KCNIP4: variants seen among roughly 807,000 people sequenced by gnomAD.
KCNIP4 encodes the protein Kv channel-interacting protein 4.
A neutral mutation model predicts 34.0 loss-of-function variants in KCNIP4; 12 were observed. The observed-to-expected ratio is 0.35, with a 90% CI of 0.23 to 0.57. The LOEUF is 0.57. Ranked by LOEUF, KCNIP4 falls within the 20% of genes least tolerant of loss-of-function variation. KCNIP4 has a pLI of 0.83. For synonymous variants in KCNIP4, 124 were observed against 102.2 expected (o/e 1.21, Z -1.29); for missense variants, 238 against 311.7 (o/e 0.76, Z 1.78).
chr4:20,821,026 T>A (rs1171026233), intron 3 of KCNIP4, among the ~76,000 whole-genome samples: 1 of 152,102 alleles, frequency 6.6e-6, no homozygotes, highest in African/African-American at 2.4e-5. Flanking sequence ...AGCAGAGAAC[T>A]GCCACAGTGG....
At position 20,848,771 on chromosome 4, in the gene KCNIP4, A is replaced by T. The variant is rs145905589; in HGVS notation, c.288+1772T>A. On this transcript the variant is annotated intron_variant, in intron 3 of 8. Transcript: ENST00000382152. ...GATTCAGTTCTCCTGTGTTCAACAAACATTCTGTATCTGATGTACAATCCA... is the reference window on the plus strand; with the variant it reads ...GATTCAGTTCTCCTGTGTTCAACAATCATTCTGTATCTGATGTACAATCCA... Among the ~76,000 whole-genome samples, 844 of 152,312 alleles carry T rather than the reference A, an allele frequency of 5.5e-3. 6 individuals are homozygous for T. The highest frequency in any genetic ancestry group is 0.027 in the Middle Eastern group (8 of 294).
At chr4:21,197,341 T>C (rs1756129955) in intron 1 of KCNIP4, among the ~76,000 whole-genome samples, 1 of 152,222 alleles carries the variant, frequency 6.6e-6, no homozygotes, top group African/African-American at 2.4e-5. Flanking sequence ...TAGTGACCTT[T>C]GAATGCATAT....
chr4:21,718,603 G>A (rs966155658), intron 1 of KCNIP4: 2 of 151,946 alleles, frequency 1.3e-5, no homozygotes, highest in African/African-American at 4.8e-5. Context: ...ATACAAACTA[G>A]CAATGCCTTC....
At chr4:21,244,588 C>G (rs1760070849) in intron 1 of KCNIP4, among the ~76,000 whole-genome samples, 2 of 152,138 alleles carry the variant, frequency 1.3e-5, no homozygotes. Flanking sequence ...AGGAAAATGT[C>G]TTCCCAGTTG....
intron 1 of KCNIP4, among the ~76,000 whole-genome samples, chr4:21,623,739 G>A (rs920238247): frequency 6.6e-6 from 1 of 151,442 alleles, no homozygotes; most frequent in African/African-American, 2.4e-5. Context: ...TTACCTGGGA[G>A]TTCTGGCACT....
chr4:21,630,504 C>G (rs1745684165), intron 1 of KCNIP4, among the ~76,000 whole-genome samples: 1 of 151,148 alleles, frequency 6.6e-6, no homozygotes, highest in Admixed American at 6.6e-5. Flanking sequence ...TCTTCTCTAT[C>G]ATCACCATAC....
intron 1 of KCNIP4, among the ~76,000 whole-genome samples, chr4:21,906,905 C>T (rs1321132270): frequency 6.6e-6 from 1 of 152,092 alleles, no homozygotes; most frequent in Non-Finnish European, 1.5e-5. Flanking sequence ...TTTATGTAAG[C>T]TTCTAAAAGT....
At chr4:21,707,458 A>G (rs934387452) in intron 1 of KCNIP4, among the ~76,000 whole-genome samples, 2 of 152,134 alleles carry the variant, frequency 1.3e-5, no homozygotes, top group African/African-American at 4.8e-5. Context: ...TTTGTTATTC[A>G]TGAGTGTTCA....
chr4:21,856,115 T>C (rs1382688252), intron 1 of KCNIP4, among the ~76,000 whole-genome samples: 2 of 152,148 alleles, frequency 1.3e-5, no homozygotes, highest in African/African-American at 4.8e-5. Flanking sequence ...CCCTCACTAT[T>C]GTTAACATTT....
At chr4:21,515,658 A>T (rs1734697054) in intron 1 of KCNIP4, among the ~76,000 whole-genome samples, 2 of 152,068 alleles carry the variant, frequency 1.3e-5, no homozygotes. Context: ...AGAAGTAGGA[A>T]CTTGAGTAAT....
At chr4:21,790,226 T>A (rs1259024810) in intron 1 of KCNIP4, among the ~76,000 whole-genome samples, 1 of 152,224 alleles carries the variant, frequency 6.6e-6, no homozygotes, top group Non-Finnish European at 1.5e-5. Context: ...TGCTCTCATT[T>A]TCATAGGAAA....
intron 1 of KCNIP4, among the ~76,000 whole-genome samples, chr4:21,746,418 T>G (rs1716779937): frequency 6.6e-6 from 1 of 152,130 alleles, no homozygotes; most frequent in African/African-American, 2.4e-5. Flanking sequence ...CTAGTAAGAC[T>G]TGAAAGTCTT....
intron 1 of KCNIP4, among the ~76,000 whole-genome samples, chr4:21,691,680 C>T (rs1711648942): frequency 7.1e-6 from 1 of 141,612 alleles, no homozygotes; most frequent in South Asian, 2.2e-4. Flanking sequence ...GCAAGAGGGG[C>T]AAACGCAGCT....
chr4:21,141,068 T>A (rs1751913790), intron 1 of KCNIP4, among the ~76,000 whole-genome samples: 1 of 152,208 alleles, frequency 6.6e-6, no homozygotes, highest in South Asian at 2.1e-4. Context: ...TCAGACAAAC[T>A]TTTTGATTTC....
chr4:20,794,696 G>A (rs1417171824), intron 3 of KCNIP4, among the ~76,000 whole-genome samples: 2 of 152,080 alleles, frequency 1.3e-5, no homozygotes, highest in East Asian at 1.9e-4. Context: ...TCTATTTCTC[G>A]ATCTCTGTGT....
chr4:21,835,577 ACG>A (rs1491060050), intron 1 of KCNIP4, among the ~76,000 whole-genome samples: 2 of 123,070 alleles, frequency 1.6e-5, no homozygotes, highest in Admixed American at 1.0e-4. Context: ...ATGTTTTCTT[ACG>A]TTTTTTTTTG....
chr4:21,233,817 AATT>A (rs1560197277), intron 1 of KCNIP4, among the ~76,000 whole-genome samples: 1 of 143,830 alleles, frequency 7.0e-6, no homozygotes, highest in Non-Finnish European at 1.5e-5. Flanking sequence ...TATATAATAT[AATT>A]ATTATATATT....
chr4:21,599,791 A>C (rs10938849), intron 1 of KCNIP4, among the ~76,000 whole-genome samples: 1 of 151,860 alleles, frequency 6.6e-6, no homozygotes, highest in Admixed American at 6.6e-5. Flanking sequence ...CAAAGGTGAA[A>C]TGCTCTGGAT....
At chr4:21,046,955 T>C (rs28644447) in intron 1 of KCNIP4, among the ~76,000 whole-genome samples, 4,210 of 152,310 alleles carry the variant, frequency 0.028, 169 homozygotes, top group African/African-American at 0.095. Context: ...GTCTTCTGCC[T>C]GCTCACACTA....
Sources: gnomAD v4.1 joint callset for allele counts (sites outside exome capture counted in the v4.1 genomes callset) on GRCh38, gnomAD v4.1.1 for gene constraint, MANE v1.5 for transcripts, NCBI Gene and HGNC (gene_info 2026-07-23, HGNC 2026-07-21) for gene names.